Variants in TEX14 observed in about 807,000 individuals in gnomAD.
TEX14 encodes testis expressed 14, intercellular bridge forming factor, also known as inactive serine/threonine-protein kinase TEX14.
In TEX14, 168 loss-of-function variants were observed where a neutral mutation model predicts 178.6. The ratio of observed to expected loss-of-function variants is 0.94; its 90% CI spans 0.83 to 1.07. The LOEUF (loss-of-function observed/expected upper bound fraction) is 1.07, where lower values mean the gene tolerates loss of function less well. TEX14 is among the 50% of genes least tolerant of loss of function. The probability of loss-of-function intolerance (pLI) is 0.00; values close to 1 mark genes in which losing one functional copy is unlikely to be tolerated. For missense variants in TEX14, 1,730 were observed against 1,753.6 expected, an observed-to-expected ratio of 0.99 and a Z score of 0.24; for synonymous variants, 626 against 634.1, an observed-to-expected ratio of 0.99 and a Z score of 0.19.
In TEX14 at chr17:58,599,610, G is replaced by A. The variant is rs781280672; in HGVS notation, c.1735C>T (p.Pro579Ser). The A allele has an allele frequency of 6.2e-7, 1 of 1,613,918 alleles. No homozygotes were observed. The highest frequency in any genetic ancestry group is 8.5e-7 in the Non-Finnish European group (1 of 1,180,000). The change falls in exon 14 of 32, where the codon CCT becomes TCT. Residue 579 changes from proline to serine, a missense_variant. Pro to Ser is a moderately conservative substitution (Grantham distance 74). Transcript: ENST00000349033. ...HSLFTEGTLD[P>S]QAPDPCLMAR... is the part of the protein sequence containing the mutation. The stretch of plus-strand genomic sequence containing the variant: ...ATCAGACATGGATCTGGGGCCTGAG[G>A]ATCTAGTGTCCCCTCAGTGAATAAA...
At chr17:58,685,900 C>A (rs1188230153) in intron 1 of TEX14, among the ~76,000 whole-genome samples, 1 of 145,294 alleles carries the variant, frequency 6.9e-6, no homozygotes, top group African/African-American at 2.6e-5. Flanking sequence ...GAGGTTGAGG[C>A]AGGACAATCG....
intron 28 of TEX14, 52 bp from the exon 29 acceptor site, chr17:58,561,664 C>T (rs1469827983): frequency 7.9e-7 from 1 of 1,266,506 alleles, no homozygotes; most frequent in Non-Finnish European, 1.2e-6. Context: ...TCCCATCCCC[C>T]TTGACAAAGA....
In TEX14 at chr17:58,611,661, C is replaced by A. The variant is rs144832813; in HGVS notation, c.1006-322G>T. ...AACTGACAGGGGAGGTCCCCCCATA[C>A]CACCAGTAAACCTGCCCTGTCGCCT... On this transcript the variant is annotated intron_variant, in intron 9 of 31. Transcript: ENST00000349033. 6.6e-4 allele frequency among the ~76,000 whole-genome samples: 100 copies of A among 152,332 alleles called. No individual in the cohort carries two copies. The East Asian group carries it at 0.016, about 24-fold the overall frequency.
At chr17:58,626,129 C>T (rs567397112) in intron 3 of TEX14, among the ~76,000 whole-genome samples, 85 of 152,228 alleles carry the variant, frequency 5.6e-4, no homozygotes, top group Non-Finnish European at 1.0e-3. Flanking sequence ...GCTCCCTTTC[C>T]TGCCCCCCTT....
chr17:58,630,620 G>C, intron 2 of TEX14, 66 bp from the exon 3 acceptor site: 1 of 1,090,044 alleles, frequency 9.2e-7, no homozygotes, highest in Non-Finnish European at 1.4e-6. Context: ...CTGGGTAGGG[G>C]GTGGGGGAAT....
intron 2 of TEX14, chr17:58,631,865 G>A (rs1384034233): frequency 1.3e-5 from 2 of 152,164 alleles, no homozygotes; most frequent in Non-Finnish European, 2.9e-5. Flanking sequence ...TTCCACATGC[G>A]AAAGAAACTC....
At chr17:58,565,845 A>G (rs763651904) in intron 26 of TEX14, 21 bp from the exon 27 acceptor site, 71 of 1,587,180 alleles carry the variant, frequency 4.5e-5, no homozygotes, top group Non-Finnish European at 5.8e-5. Context: ...ACAAAAGCCA[A>G]AGGAAACTTA....
At chr17:58,651,639 T>C (rs915005951) in intron 2 of TEX14, among the ~76,000 whole-genome samples, 3 of 152,138 alleles carry the variant, frequency 2.0e-5, no homozygotes, top group South Asian at 2.1e-4. Context: ...GCAGTAGCAG[T>C]TGGATGCGCT....
intron 1 of TEX14, among the ~76,000 whole-genome samples, chr17:58,676,593 C>T (rs1195691818): frequency 6.6e-6 from 1 of 152,018 alleles, no homozygotes; most frequent in Non-Finnish European, 1.5e-5. Context: ...ACAAAACCAA[C>T]AAACTACTAT....
intron 2 of TEX14, among the ~76,000 whole-genome samples, chr17:58,638,664 G>C (rs2567896): frequency 6.6e-6 from 1 of 151,402 alleles, no homozygotes; most frequent in African/African-American, 2.4e-5. Flanking sequence ...TCAACCTCCC[G>C]AGTGGCTGGG....
intron 3 of TEX14, among the ~76,000 whole-genome samples, chr17:58,623,973 T>C (rs1199315555): frequency 6.6e-6 from 1 of 152,174 alleles, no homozygotes; most frequent in Non-Finnish European, 1.5e-5. Flanking sequence ...TCTATGTATA[T>C]ACAAGTATAA....
Position 58,581,601 on chromosome 17 carries a change from C to T in TEX14, c.3172-1870G>A, listed in dbSNP as rs1257347001. ...TGAAAAGGTACTTTACCCTGAACTG[C>T]GTTTTTTACCTCTAGAGCTAAGTTT... On this transcript the variant is annotated intron_variant, in intron 19 of 31. Coordinates refer to ENST00000349033, the MANE Select transcript of TEX14 (RefSeq NM_031272.5). The T allele has an allele frequency of 7.4e-6, 12 of 1,612,668 alleles. No homozygotes were observed. The South Asian group carries it at 8.8e-5, about 12-fold the overall frequency.
intron 21 of TEX14, among the ~76,000 whole-genome samples, chr17:58,574,803 G>T: frequency 6.6e-6 from 1 of 151,634 alleles, no homozygotes; most frequent in East Asian, 1.9e-4. Context: ...CTAAGGGTCA[G>T]CTCTGAAATC....
At chr17:58,603,267 G>A (rs994926082) in intron 11 of TEX14, among the ~76,000 whole-genome samples, 4 of 148,704 alleles carry the variant, frequency 2.7e-5, no homozygotes, top group African/African-American at 9.9e-5. Context: ...TAAAAAAGCA[G>A]CCCTTGGCCG....
At chr17:58,648,782 T>TTCTC (rs2046771508) in intron 2 of TEX14, among the ~76,000 whole-genome samples, 2 of 139,978 alleles carry the variant, frequency 1.4e-5, no homozygotes, top group Non-Finnish European at 3.0e-5. Context: ...ATTTCTTTTT[T>TTCTC]TTTCTTTTTT....
At chr17:58,638,417 CCCAAAT>C (rs2046489106) in intron 2 of TEX14, among the ~76,000 whole-genome samples, 1 of 152,032 alleles carries the variant, frequency 6.6e-6, no homozygotes, top group South Asian at 2.1e-4. Flanking sequence ...GTGGAACAAA[CCCAAAT>C]GCCCATCAAT....
intron 28 of TEX14, among the ~76,000 whole-genome samples, chr17:58,563,739 T>G (rs1381023998): frequency 1.7e-5 from 2 of 117,074 alleles, no homozygotes; most frequent in African/African-American, 6.6e-5. Flanking sequence ...TAGAGAGAGA[T>G]CATACATATA....
chr17:58,635,540 C>T (rs573135676), intron 2 of TEX14, among the ~76,000 whole-genome samples: 2 of 151,980 alleles, frequency 1.3e-5, no homozygotes, highest in African/African-American at 4.8e-5. Flanking sequence ...AGTGATTCTC[C>T]GGCCTCAGCC....
At chr17:58,574,380 G>C in intron 21 of TEX14, 131 bp from the exon 22 acceptor site, 1 of 685,522 alleles carries the variant, frequency 1.5e-6, no homozygotes, top group East Asian at 2.8e-5. Context: ...CTCAGGAGTA[G>C]AAAGTGTGAG....
Sources: allele counts gnomAD v4.1 joint callset (sites outside exome capture counted in the v4.1 genomes callset), GRCh38; gene constraint gnomAD v4.1.1; transcripts MANE v1.5; gene names NCBI Gene and HGNC (gene_info 2026-07-23, HGNC 2026-07-21).